PBRM1: variants seen among roughly 807,000 people sequenced by gnomAD.
PBRM1 encodes protein polybromo-1.
In PBRM1, 27 loss-of-function variants were observed where a neutral mutation model predicts 194.5. The observed-to-expected ratio is 0.14, with a 90% CI of 0.10 to 0.19. The LOEUF (loss-of-function observed/expected upper bound fraction) is 0.19. Ranked by LOEUF, PBRM1 falls within the 10% of genes least tolerant of loss-of-function variation. PBRM1 has a pLI of 1.00. For missense variants in PBRM1, 1,466 were observed against 2,077.2 expected (o/e 0.71, Z 5.72); for synonymous variants, 655 against 693.2 (o/e 0.94, Z 0.87).
rs938311611 is a variant in PBRM1, at chr3:52,642,989, T to C, written c.995+259A>G. Among the ~76,000 whole-genome samples, 3 of 152,152 alleles carry C rather than the reference T, an allele frequency of 2.0e-5. No homozygotes were observed. The South Asian group carries it at 6.2e-4, about 32-fold the overall frequency. On this transcript the variant is annotated intron_variant, in intron 9 of 29. Coordinates refer to ENST00000296302, the Ensembl canonical transcript of PBRM1. Reference sequence around the variant, plus strand: ...TTTTAGTATAGATGGAGTTTCACCATGTTGGCCAGGCTGGTCTGGAACACC... The same window carrying C: ...TTTTAGTATAGATGGAGTTTCACCACGTTGGCCAGGCTGGTCTGGAACACC...
At chr3:52,630,345 T>C (rs183298785) in intron 11 of PBRM1, among the ~76,000 whole-genome samples, 4 of 152,246 alleles carry the variant, frequency 2.6e-5, no homozygotes, top group Admixed American at 6.5e-5. Context: ...CTTCTGCCAA[T>C]AGATCTTCCT....
chr3:52,617,363 G>GCTCAATTAT, exon 14 of PBRM1: 1 of 1,613,504 alleles, frequency 6.2e-7, no homozygotes, highest in Non-Finnish European at 8.5e-7. Context: ...CGGATGTTAT[G>GCTCAATTAT]CTCAATTATT....
At chr3:52,642,924 T>G (rs542628898) in intron 9 of PBRM1, among the ~76,000 whole-genome samples, 34 of 151,936 alleles carry the variant, frequency 2.2e-4, no homozygotes, top group African/African-American at 7.7e-4. Flanking sequence ...GTAGCTGGGA[T>G]TACAGGCACC....
chr3:52,605,375 AAT>A (rs1170872824), intron 16 of PBRM1, among the ~76,000 whole-genome samples: 1 of 152,140 alleles, frequency 6.6e-6, no homozygotes, highest in Non-Finnish European at 1.5e-5. Flanking sequence ...ATTAACTAAG[AAT>A]ACCAGAGTCT....
At chr3:52,662,178 A>G (rs1201049237) in exon 4 of PBRM1, 2 of 1,613,956 alleles carry the variant, frequency 1.2e-6, no homozygotes, top group Admixed American at 3.3e-5. Context: ...CTTCATCATC[A>G]TCTTCGTCAT....
At chr3:52,547,424 T>C (rs2079819585), downstream of PBRM1, 1 of 233,226 alleles carries the variant, frequency 4.3e-6, no homozygotes, top group Non-Finnish European at 8.5e-6. Context: ...ATTTCTGTAG[T>C]GAGCCTCTGA....
At chr3:52,577,351 A>T (rs1443736988) in intron 21 of PBRM1, among the ~76,000 whole-genome samples, 1 of 146,168 alleles carries the variant, frequency 6.8e-6, no homozygotes, top group East Asian at 2.1e-4. Flanking sequence ...AGATGGCTTG[A>T]GCCCAGGAGG....
At chr3:52,655,525 T>C (rs555437524) in intron 5 of PBRM1, among the ~76,000 whole-genome samples, 91 of 152,298 alleles carry the variant, frequency 6.0e-4, no homozygotes, top group African/African-American at 2.1e-3. Flanking sequence ...CTGCTATGAA[T>C]ATGGGTATAC....
Position 52,609,681 on chromosome 3 carries a change from A to G in PBRM1, c.2199T>C (p.Asn733=). 6.2e-7 allele frequency: 1 copy of G among 1,613,656 alleles called. No individual in the cohort carries two copies. Among genetic ancestry groups the G allele is most frequent in the Non-Finnish European group, 8.5e-7 (1 of 1,179,758 alleles). The change falls in exon 16 of 30, where the codon AAT becomes AAC. Residue 733 remains asparagine, a synonymous_variant. Transcript: ENST00000296302. The surrounding 1 kb of genome is among the most constrained non-coding windows in gnomAD (Gnocchi z 4.1). ...CCGGCTCATTGTATGTACAGGCATTATTAAACATCATGACAAAGTCCTCAA... is the reference window on the plus strand; with the variant it reads ...CCGGCTCATTGTATGTACAGGCATTGTTAAACATCATGACAAAGTCCTCAA...
chr3:52,596,290 T>C (rs1044742484), intron 17 of PBRM1, among the ~76,000 whole-genome samples: 2 of 150,982 alleles, frequency 1.3e-5, no homozygotes, highest in Middle Eastern at 3.4e-3. Context: ...ATATAAAAAT[T>C]AGCTGGGTTT....
intron 22 of PBRM1, among the ~76,000 whole-genome samples, chr3:52,568,927 C>T (rs915337335): frequency 3.9e-5 from 6 of 152,056 alleles, no homozygotes; most frequent in African/African-American, 1.4e-4. Context: ...CTTTGTTGCC[C>T]AGCCTGGAGT....
chr3:52,550,426 A>G (rs2153369228), exon 29 of PBRM1: 1 of 1,446,108 alleles, frequency 6.9e-7, no homozygotes, highest in South Asian at 1.7e-5. Context: ...CTTACCTGCC[A>G]GTGTCTGATC....
intron 17 of PBRM1, among the ~76,000 whole-genome samples, chr3:52,600,717 C>T (rs907799967): frequency 6.6e-6 from 1 of 152,238 alleles, no homozygotes; most frequent in Non-Finnish European, 1.5e-5. Flanking sequence ...TAGCTCACTA[C>T]AACCTTCACC....
chr3:52,634,458 G>T, intron 11 of PBRM1, 144 bp downstream of exon 12: 3 of 517,522 alleles, frequency 5.8e-6, no homozygotes, highest in Admixed American at 3.4e-5. Flanking sequence ...AAAAAAAAAG[G>T]TAATGAACAG....
intron 25 of PBRM1, among the ~76,000 whole-genome samples, chr3:52,561,121 A>G (rs2083423430): frequency 1.3e-5 from 2 of 152,238 alleles, no homozygotes; most frequent in South Asian, 4.1e-4. Context: ...CCCAACAACA[A>G]AAAACAAAAA....
intron 12 of PBRM1, 112 bp downstream of exon 13, chr3:52,628,782 A>C: frequency 1.0e-6 from 1 of 970,196 alleles, no homozygotes. Flanking sequence ...AAATGATGTA[A>C]TATTACTGCT....
At chr3:52,674,071 G>GAT (rs1288666803) in intron 2 of PBRM1, among the ~76,000 whole-genome samples, 29 of 150,674 alleles carry the variant, frequency 1.9e-4, no homozygotes, top group Admixed American at 4.0e-4. Flanking sequence ...TATATATATA[G>GAT]ATATATATAT....
intron 3 of PBRM1, among the ~76,000 whole-genome samples, chr3:52,666,517 C>G (rs968810054): frequency 6.6e-6 from 1 of 150,858 alleles, no homozygotes; most frequent in Non-Finnish European, 1.5e-5. Context: ...GCCTGGGCAA[C>G]AGAGCGAGAC....
At chr3:52,664,940 T>C (rs1328480343) in intron 3 of PBRM1, among the ~76,000 whole-genome samples, 4 of 152,052 alleles carry the variant, frequency 2.6e-5, no homozygotes, top group South Asian at 2.1e-4. Context: ...GCATTACTAC[T>C]CGCAAATTCT....
Sources: allele counts gnomAD v4.1 joint callset (sites outside exome capture counted in the v4.1 genomes callset), GRCh38; gene constraint gnomAD v4.1.1; non-coding constraint Gnocchi (gnomAD v3.1); transcripts MANE v1.5; gene names NCBI Gene and HGNC (gene_info 2026-07-23, HGNC 2026-07-21).